Variants in ENO2 observed in about 807,000 individuals in gnomAD.
ENO2 encodes gamma-enolase.
In ENO2, 19 loss-of-function variants were observed where a neutral mutation model predicts 48.7. The observed-to-expected ratio is 0.39, with a 90% CI of 0.27 to 0.57. ENO2 has a LOEUF of 0.57. ENO2 is among the 20% of genes least tolerant of loss of function. ENO2 has a pLI of 0.58. For missense variants in ENO2, 416 were observed against 555.0 expected, an observed-to-expected ratio of 0.75 and a Z score of 2.52; for synonymous variants, 198 against 213.4, an observed-to-expected ratio of 0.93 and a Z score of 0.63.
Position 6,917,725 on chromosome 12 carries a change from A to G in ENO2, c.444+11A>G, listed in dbSNP as rs970649158. 2 of 1,046,732 alleles carry G rather than the reference A, an allele frequency of 1.9e-6. No individual in the cohort carries two copies. Among genetic ancestry groups the G allele is most frequent in the Admixed American group, 2.5e-5 (1 of 39,692 alleles). The allele number at this position is 1,046,732 out of a possible 1,614,324, so 64.8% of individuals were successfully genotyped here. On this transcript the variant is annotated intron_variant, in intron 6 of 11. Coordinates refer to ENST00000229277, the MANE Select transcript of ENO2 (RefSeq NM_001975.3). ...ATCCTGCCTGTGCCGGTGAGCAATA[A>G]GCCAGCCTGCGGCTCTCCCAGGGGC...
Position 6,919,770 on chromosome 12 carries a change from G to C in ENO2, c.865+7G>C. 6.2e-7 allele frequency: 1 copy of C among 1,612,890 alleles called. No individual in the cohort carries two copies. Among genetic ancestry groups the C allele is most frequent in the Non-Finnish European group, 8.5e-7 (1 of 1,179,528 alleles). ...TTTGTCAGGGACTATCCTGGTGAGA[G>C]GAAGTGGTGTGAGGGGGAGGTCTGG... On this transcript the variant is annotated splice_region_variant and intron_variant, in intron 8 of 11. Coordinates refer to ENST00000229277, the MANE Select transcript of ENO2 (RefSeq NM_001975.3).
rs1031072496 is a variant in ENO2 at position 6,916,502 on chromosome 12, C to T, written c.171C>T (p.Tyr57=). The change falls in exon 3 of 12, where the codon TAC becomes TAT. Residue 57 remains tyrosine (Y), a synonymous_variant. Transcript: ENST00000229277. This position sits in a 1 kb window ranked among gnomAD's most constrained non-coding sequence, Gnocchi z 4.5. ...LELRDGDKQR[Y]LGKGVLKAVD... is the part of the protein sequence containing the mutation. ...TGAGGGATGGAGACAAACAGCGTTA[C>T]TTAGGCAAAGGTGAGGTCCCTTCTC... 2 of 1,614,126 alleles carry T rather than the reference C, an allele frequency of 1.2e-6. No individual in the cohort carries two copies. The highest frequency in any genetic ancestry group is 1.7e-4 in the Middle Eastern group (1 of 6,060).
In ENO2 at chr12:6,921,184, CAGG is replaced by C. The variant is rs781977128; in HGVS notation, c.866-394_866-392del. 4.1e-4 allele frequency among the ~76,000 whole-genome samples: 62 copies of C among 150,706 alleles called. 1 individual carries two copies. The highest frequency in any genetic ancestry group is 3.0e-3 in the Admixed American group (46 of 15,254). Reference sequence around the variant, plus strand: ...CCGAGGCAGGAGGACTGCTTGAATCCAGGAGTTCGAGACTGGCCTGGCAATACA... The same window carrying C: ...CCGAGGCAGGAGGACTGCTTGAATCCAGTTCGAGACTGGCCTGGCAATACA... On this transcript the variant is annotated intron_variant, in intron 8 of 11. Transcript: ENST00000229277.
At position 6,922,504 on chromosome 12, in the gene ENO2, C is replaced by T; in HGVS notation, c.1235+102C>T. ...CAAGGGCCTGGATAACAGTCCATTT[C>T]CTGGATAACAGTCCAACAGATAATA... On this transcript the variant is annotated intron_variant, in intron 11 of 11. Coordinates refer to ENST00000229277, the MANE Select transcript of ENO2 (RefSeq NM_001975.3). This position sits in a 1 kb window ranked among gnomAD's most constrained non-coding sequence, Gnocchi z 5.3. 1 of 1,477,356 alleles carries T rather than the reference C, an allele frequency of 6.8e-7. No individual in the cohort carries two copies. Among genetic ancestry groups the T allele is most frequent in the Non-Finnish European group, 9.4e-7 (1 of 1,058,950 alleles). 91.5% of individuals were successfully genotyped at this position (1,477,356 alleles called of 1,614,324 possible). A position where few individuals can be genotyped will look rare whatever the true frequency, so the allele number is the denominator to read the frequency against.
Position 6,922,482 on chromosome 12 carries a change from G to C in ENO2, c.1235+80G>C. ...CCTGCCAGACCATCTGTAGCACCAA[G>C]GGCCTGGATAACAGTCCATTTCCTG... On this transcript the variant is annotated intron_variant, in intron 11 of 11. Coordinates refer to ENST00000229277, the MANE Select transcript of ENO2 (RefSeq NM_001975.3). This position sits in a 1 kb window ranked among gnomAD's most constrained non-coding sequence, Gnocchi z 5.3. The C allele has an allele frequency of 6.4e-7, 1 of 1,560,588 alleles. No individual in the cohort carries two copies. Among genetic ancestry groups the C allele is most frequent in the Non-Finnish European group, 8.8e-7 (1 of 1,132,472 alleles).
chr12:6,916,012 G>C lies in ENO2; in HGVS notation c.85+95G>C. On this transcript the variant is annotated intron_variant, in intron 2 of 11. Coordinates refer to ENST00000229277, the MANE Select transcript of ENO2 (RefSeq NM_001975.3). The surrounding 1 kb of genome is among the most constrained non-coding windows in gnomAD (Gnocchi z 4.5). ...TTCGGAGGCCTTTTTTGATACCCAG[G>C]GGTATGGGGTGCTGGGCCAGGCTCA... 2 of 1,302,738 alleles carry C rather than the reference G, an allele frequency of 1.5e-6. No homozygotes were observed. Among genetic ancestry groups the C allele is most frequent in the Admixed American group, 3.5e-5 (2 of 56,702 alleles). The allele number at this position is 1,302,738 out of a possible 1,614,324, so 80.7% of individuals were successfully genotyped here.
chr12:6,918,499 C>T (rs1266921752), intron 7 of ENO2, among the ~76,000 whole-genome samples: 10 of 151,648 alleles, frequency 6.6e-5, no homozygotes, highest in Admixed American at 2.0e-4. Flanking sequence ...TACAGGCGCC[C>T]GCCACCACGC....
chr12:6,922,261 CAG>C lies in ENO2; in HGVS notation c.1177-82_1177-81del, dbSNP rs1555142203. On this transcript the variant is annotated intron_variant, in intron 10 of 11. Transcript: ENST00000229277. This position sits in a 1 kb window ranked among gnomAD's most constrained non-coding sequence, Gnocchi z 5.3. ...TCTCCTTCCAGGTGTTTGAGGGTGT[CAG>C]GGGAGTTTCAGGAGAGCAGAAGTTT... 1.2e-6 allele frequency: 2 copies of C among 1,609,622 alleles called. No individual in the cohort carries two copies. Among genetic ancestry groups the C allele is most frequent in the East Asian group, 2.2e-5 (1 of 44,868 alleles).
In ENO2 at chr12:6,923,215, G is replaced by A. The variant is rs146987913; in HGVS notation, c.*415G>A. 790 of 224,174 alleles carry A rather than the reference G, an allele frequency of 3.5e-3. 4 individuals are homozygous for A. Among genetic ancestry groups the A allele is most frequent in the African/African-American group, 0.016 (725 of 45,052 alleles). The allele number at this position is 224,174 out of a possible 1,614,324, so 13.9% of individuals were successfully genotyped here. On this transcript the variant is annotated 3_prime_UTR_variant, in exon 12 of 12. Coordinates refer to ENST00000229277, the MANE Select transcript of ENO2 (RefSeq NM_001975.3). ...GTGTCTTCCACTTTGCATATGAGCCGTGAACTGTGCATAGTGCTGGGATGG... is the reference window on the plus strand; with the variant it reads ...GTGTCTTCCACTTTGCATATGAGCCATGAACTGTGCATAGTGCTGGGATGG...
intron 8 of ENO2, among the ~76,000 whole-genome samples, chr12:6,920,996 A>G (rs1480857080): frequency 2.6e-5 from 4 of 151,400 alleles, no homozygotes; most frequent in African/African-American, 9.7e-5. Context: ...TATGTTAGCC[A>G]GGGAACTCCT....
chr12:6,920,374 G>GT, intron 8 of ENO2, among the ~76,000 whole-genome samples: 1 of 58,348 alleles, frequency 1.7e-5, no homozygotes, highest in African/African-American at 8.3e-5. Context: ...ATTTTTTTTG[G>GT]GGGGGGGGTG....
Position 6,922,796 on chromosome 12 carries a change from T to A in ENO2, c.1301T>A (p.Leu434Gln). The A allele has an allele frequency of 6.2e-7, 1 of 1,614,110 alleles. No homozygotes were observed. Among genetic ancestry groups the A allele is most frequent in the Non-Finnish European group, 8.5e-7 (1 of 1,179,986 alleles). Residue 434 changes from leucine (L) to glutamine (Q), a missense_variant, in exon 12 of 12, where the codon CTG becomes CAG. Transcript: ENST00000229277. This position sits in a 1 kb window ranked among gnomAD's most constrained non-coding sequence, Gnocchi z 5.3. The part of the protein sequence containing the change: ...AGHNFRNPSV[L>Q] The stretch of plus-strand genomic sequence containing the variant: ...CATAACTTCCGTAATCCCAGTGTGC[T>A]GTGATTCCTCTGCTTGCCTGGAGAC...
chr12:6,920,439 G>A (rs1945330395), intron 8 of ENO2, among the ~76,000 whole-genome samples: 1 of 142,060 alleles, frequency 7.0e-6, no homozygotes, highest in Non-Finnish European at 1.5e-5. Flanking sequence ...GACTCTTCTT[G>A]CCCAGGCTGG....
chr12:6,915,825 C>A lies in ENO2; in HGVS notation c.-8C>A. The A allele has an allele frequency of 1.2e-6, 2 of 1,613,776 alleles. No individual in the cohort carries two copies. The highest frequency in any genetic ancestry group is 1.7e-4 in the Middle Eastern group (1 of 6,060). On this transcript the variant is annotated 5_prime_UTR_variant, in exon 2 of 12. Transcript: ENST00000229277. ...CCTTCCCTTCCACCCGAGGAGATCC[C>A]AGCCATCATGTCCATAGAGAAGATC...
rs1025174250 is a variant in ENO2 at position 6,923,009 on chromosome 12, G to C, written c.*209G>C. The C allele has an allele frequency of 3.6e-6, 2 of 552,658 alleles. No individual in the cohort carries two copies. The highest frequency in any genetic ancestry group is 2.9e-5 in the East Asian group (1 of 33,906). The allele number at this position is 552,658 out of a possible 1,614,324, so 34.2% of individuals were successfully genotyped here. On this transcript the variant is annotated 3_prime_UTR_variant, in exon 12 of 12. Coordinates refer to ENST00000229277, the MANE Select transcript of ENO2 (RefSeq NM_001975.3). ...TCTGTGCCCTACTCATTGGGGTTCCGCACTTTCCACTTCTTCCTTTCTCTT... is the reference window on the plus strand; with the variant it reads ...TCTGTGCCCTACTCATTGGGGTTCCCCACTTTCCACTTCTTCCTTTCTCTT...
rs782458135 is a variant in ENO2, at chr12:6,919,618, C to T, written c.720C>T (p.Ile240=). The T allele has an allele frequency of 1.5e-5, 24 of 1,613,958 alleles. 1 individual carries two copies. The highest frequency in any genetic ancestry group is 8.3e-5 in the Admixed American group (5 of 59,976). The change falls in exon 8 of 12, where the codon ATC becomes ATT. Residue 240 remains isoleucine, a synonymous_variant. Transcript: ENST00000229277. Reference sequence around the variant, plus strand: ...ACAAGGCTGGCTACACGGAAAAGATCGTTATTGGCATGGATGTTGCTGCCT... The same window carrying T: ...ACAAGGCTGGCTACACGGAAAAGATTGTTATTGGCATGGATGTTGCTGCCT... The part of the protein sequence containing the change: ...AIDKAGYTEK[I]VIGMDVAASE...
chr12:6,915,352 T>A (rs1422741855), intron 1 of ENO2: 1 of 180,374 alleles, frequency 5.5e-6, no homozygotes, highest in Non-Finnish European at 1.2e-5. Flanking sequence ...GGGGCAGTGT[T>A]CAGGCAGCTG....
rs782709261 is a variant in ENO2 at position 6,918,042 on chromosome 12, C to A, written c.547C>A (p.Arg183=). The A allele has an allele frequency of 1.2e-5, 20 of 1,613,980 alleles. No individual in the cohort carries two copies. The highest frequency in any genetic ancestry group is 3.3e-5 in the South Asian group (3 of 91,082). ...AGCTGAGAGCTTTCGGGATGCCATG[C>A]GACTAGGTGCAGAGGTCTACCATAC... The part of the protein sequence containing the change: ...VGAESFRDAM[R]LGAEVYHTLK... The change falls in exon 7 of 12, where the codon CGA becomes AGA. Residue 183 remains arginine, a synonymous_variant. Transcript: ENST00000229277.
chr12:6,919,962 A>G (rs375661573), intron 8 of ENO2, among the ~76,000 whole-genome samples, 199 bp downstream of exon 8: 2 of 152,158 alleles, frequency 1.3e-5, no homozygotes, highest in Non-Finnish European at 2.9e-5. Context: ...CCCGTGACCA[A>G]TCTGTTCTGT....
Sources: allele counts gnomAD v4.1 joint callset (sites outside exome capture counted in the v4.1 genomes callset), GRCh38; gene constraint gnomAD v4.1.1; non-coding constraint Gnocchi (gnomAD v3.1); transcripts MANE v1.5; gene names NCBI Gene and HGNC (gene_info 2026-07-23, HGNC 2026-07-21).